Variants in SPAG16 observed in about 807,000 individuals in gnomAD.
The protein encoded by SPAG16 is sperm associated antigen 16.
Under a neutral mutation model 80.4 loss-of-function variants are expected in SPAG16, and 86 were observed. That is an observed-to-expected ratio of 1.07 (90% confidence interval 0.90 to 1.28). The LOEUF is 1.28. Ranked by LOEUF, SPAG16 falls within the 50% of genes most tolerant of loss-of-function variation. SPAG16 has a pLI of 0.00. For missense variants in SPAG16, 870 were observed against 765.3 expected (o/e 1.14, Z -1.61); for synonymous variants, 294 against 265.9 (o/e 1.11, Z -1.03).
chr2:214,098,614 T>C (rs2052765558), intron 13 of SPAG16, among the ~76,000 whole-genome samples: 1 of 152,058 alleles, frequency 6.6e-6, no homozygotes, highest in African/African-American at 2.4e-5. Flanking sequence ...AAGAAATAAA[T>C]CTCTTTCGTT....
At chr2:214,102,896 G>A (rs1333426219) in intron 13 of SPAG16, among the ~76,000 whole-genome samples, 1 of 152,108 alleles carries the variant, frequency 6.6e-6, no homozygotes, top group Admixed American at 6.5e-5. Context: ...GAAGGATCAA[G>A]GGAGAAAAGG....
chr2:214,398,187 A>C (rs1701505353), intron 15 of SPAG16, among the ~76,000 whole-genome samples: 1 of 152,196 alleles, frequency 6.6e-6, no homozygotes, highest in Non-Finnish European at 1.5e-5. Context: ...GAGACAATGA[A>C]AGAAGGCATC....
In SPAG16 at chr2:214,022,144, TC is replaced by T. The variant is rs567610367; in HGVS notation, c.1527+8068del. On this transcript the variant is annotated intron_variant, in intron 13 of 15. Transcript: ENST00000331683. ...GAACTTGGCGAATGAGACATTTTTT[TC>T]TCCATAAAAAGACAAGCCTTACCAA... Among the ~76,000 whole-genome samples the T allele has an allele frequency of 1.2e-3, 189 of 152,284 alleles. 1 individual carries two copies. Among genetic ancestry groups the T allele is most frequent in the African/African-American group, 4.3e-3 (180 of 41,562 alleles).
intron 15 of SPAG16, among the ~76,000 whole-genome samples, chr2:214,229,695 T>C (rs1035298496): frequency 2.0e-5 from 3 of 151,814 alleles, no homozygotes; most frequent in African/African-American, 7.2e-5. Context: ...GCTTATTTTA[T>C]ATTTGTGGGA....
chr2:214,152,473 G>A (rs536078752), intron 15 of SPAG16, among the ~76,000 whole-genome samples: 74 of 152,186 alleles, frequency 4.9e-4, no homozygotes, highest in African/African-American at 1.6e-3. Flanking sequence ...GTGTTCTAAC[G>A]TGGACTCAAA....
At chr2:213,385,122 A>T (rs971793924) in intron 9 of SPAG16, among the ~76,000 whole-genome samples, 2 of 152,076 alleles carry the variant, frequency 1.3e-5, no homozygotes, top group African/African-American at 4.8e-5. Flanking sequence ...TTCCTAGTGG[A>T]CGTATTCTCT....
intron 15 of SPAG16, among the ~76,000 whole-genome samples, chr2:214,214,148 C>T (rs991847019): frequency 4.0e-5 from 6 of 151,460 alleles, no homozygotes; most frequent in Admixed American, 2.0e-4. Flanking sequence ...CATACTGTTC[C>T]CTCTGCCTAA....
intron 15 of SPAG16, among the ~76,000 whole-genome samples, chr2:214,222,007 G>A (rs1008869902): frequency 2.0e-5 from 3 of 151,272 alleles, no homozygotes; most frequent in Middle Eastern, 3.4e-3. Flanking sequence ...TTTTTGCCTA[G>A]TGACATCCAT....
intron 5 of SPAG16, among the ~76,000 whole-genome samples, chr2:213,321,764 T>C (rs935869884): frequency 6.6e-6 from 1 of 152,154 alleles, no homozygotes; most frequent in African/African-American, 2.4e-5. Flanking sequence ...GGAAAATAAC[T>C]GTTGAGAACA....
intron 11 of SPAG16, among the ~76,000 whole-genome samples, chr2:213,914,350 G>A (rs1419344368): frequency 6.6e-6 from 1 of 152,044 alleles, no homozygotes; most frequent in African/African-American, 2.4e-5. Context: ...AAAAATCTTT[G>A]TGGCACCTGG....
chr2:214,014,718 TAC>T (rs1192806780), intron 13 of SPAG16, among the ~76,000 whole-genome samples: 1 of 152,174 alleles, frequency 6.6e-6, no homozygotes, highest in African/African-American at 2.4e-5. Flanking sequence ...GGCAAGAATG[TAC>T]AGAGACAAAA....
At chr2:214,181,840 G>A (rs910133934) in intron 15 of SPAG16, among the ~76,000 whole-genome samples, 4 of 146,004 alleles carry the variant, frequency 2.7e-5, no homozygotes. Flanking sequence ...CAAAGTTGTG[G>A]TTGAAAGGCT....
At chr2:213,737,364 GTATTTCT>G (rs2067328167) in intron 10 of SPAG16, among the ~76,000 whole-genome samples, 1 of 152,008 alleles carries the variant, frequency 6.6e-6, no homozygotes, top group Non-Finnish European at 1.5e-5. Context: ...ATGTAATTCT[GTATTTCT>G]ACGGAGTCTT....
chr2:214,022,683 A>AG (rs1280931240), intron 13 of SPAG16, among the ~76,000 whole-genome samples: 2 of 149,606 alleles, frequency 1.3e-5, no homozygotes, highest in African/African-American at 2.5e-5. Context: ...GGAACAATGG[A>AG]GGGTGAAAAA....
At chr2:213,858,177 A>G (rs1195263927) in intron 10 of SPAG16, among the ~76,000 whole-genome samples, 1 of 152,222 alleles carries the variant, frequency 6.6e-6, no homozygotes, top group Non-Finnish European at 1.5e-5. Context: ...AAGATGTTTG[A>G]GAGGGTTGAC....
intron 10 of SPAG16, among the ~76,000 whole-genome samples, chr2:213,685,371 G>A (rs1240898573): frequency 6.6e-6 from 1 of 152,198 alleles, no homozygotes; most frequent in African/African-American, 2.4e-5. Flanking sequence ...AGAGAATAAG[G>A]ACATATTCAA....
At chr2:213,957,929 G>A (rs1912504) in intron 12 of SPAG16, among the ~76,000 whole-genome samples, 23,707 of 152,068 alleles carry the variant, frequency 0.16, 2,929 homozygotes, top group African/African-American at 0.34. Flanking sequence ...GAAAAGCCCC[G>A]ACTGGGAGGA....
chr2:213,661,662 A>G (rs183478759), intron 10 of SPAG16, among the ~76,000 whole-genome samples: 1 of 152,318 alleles, frequency 6.6e-6, no homozygotes, highest in East Asian at 1.9e-4. Context: ...TGCTACTTTA[A>G]TGTAAAAATT....
chr2:213,733,898 A>G (rs1407495237), intron 10 of SPAG16, among the ~76,000 whole-genome samples: 1 of 152,230 alleles, frequency 6.6e-6, no homozygotes, highest in African/African-American at 2.4e-5. Context: ...TATTAGAGTT[A>G]AAACCAGAAG....
Sources: gnomAD v4.1 joint callset for allele counts (sites outside exome capture counted in the v4.1 genomes callset) on GRCh38, gnomAD v4.1.1 for gene constraint, MANE v1.5 for transcripts, NCBI Gene and HGNC (gene_info 2026-07-23, HGNC 2026-07-21) for gene names.